Variants in NECAB1 observed in about 807,000 individuals in gnomAD.
NECAB1 encodes the protein N-terminal EF-hand calcium-binding protein 1.
A neutral mutation model predicts 57.5 loss-of-function variants in NECAB1; 29 were observed. The ratio of observed to expected loss-of-function variants is 0.50; its 90% confidence interval spans 0.38 to 0.69. The LOEUF (loss-of-function observed/expected upper bound fraction) is 0.69. NECAB1 is among the 30% of genes least tolerant of loss of function. The pLI is 0.00. For synonymous variants in NECAB1, 142 were observed against 147.7 expected, an observed-to-expected ratio of 0.96 and a Z score of 0.28; for missense variants, 372 against 413.8, an observed-to-expected ratio of 0.90 and a Z score of 0.88.
chr8:90,791,810 A>G lies in NECAB1; in HGVS notation c.-77A>G. ...CAGAGCCCGGCGGCGGCGAAGCAGCAGCTGCGGCCGCGCCCTTGCCAGAGC... is the reference window on the plus strand; with the variant it reads ...CAGAGCCCGGCGGCGGCGAAGCAGCGGCTGCGGCCGCGCCCTTGCCAGAGC... On this transcript the variant is annotated 5_prime_UTR_variant, in exon 1 of 13. Coordinates refer to ENST00000417640, the MANE Select transcript of NECAB1 (RefSeq NM_022351.5). 8.3e-7 allele frequency: 1 copy of G among 1,205,560 alleles called. No homozygotes were observed. Among genetic ancestry groups the G allele is most frequent in the Non-Finnish European group, 1.2e-6 (1 of 850,708 alleles). The allele number at this position is 1,205,560 out of a possible 1,614,324, so 74.7% of individuals were successfully genotyped here.
intron 6 of NECAB1, among the ~76,000 whole-genome samples, chr8:90,919,554 T>C (rs745999861): frequency 6.6e-6 from 1 of 152,200 alleles, no homozygotes; most frequent in Non-Finnish European, 1.5e-5. Context: ...AAGTACTCTT[T>C]AGCAGATCTG....
At chr8:90,922,393 A>C (rs1219658176) in intron 6 of NECAB1, among the ~76,000 whole-genome samples, 1 of 152,040 alleles carries the variant, frequency 6.6e-6, no homozygotes. Flanking sequence ...TGGTTATAAA[A>C]GTTTAGACAG....
intron 5 of NECAB1, among the ~76,000 whole-genome samples, chr8:90,889,441 A>G (rs570111093): frequency 2.0e-5 from 3 of 152,340 alleles, no homozygotes; most frequent in South Asian, 4.1e-4. Context: ...GAAGATGACA[A>G]AAATTATGGC....
At chr8:90,919,127 C>G (rs139593954) in intron 6 of NECAB1, among the ~76,000 whole-genome samples, 138 of 152,204 alleles carry the variant, frequency 9.1e-4, no homozygotes, top group African/African-American at 2.7e-3. Context: ...TTAAGAGACA[C>G]CTATACTAAA....
chr8:90,853,046 A>C (rs1261153969), intron 3 of NECAB1, among the ~76,000 whole-genome samples: 2 of 152,204 alleles, frequency 1.3e-5, no homozygotes. Flanking sequence ...TGTAACACAC[A>C]TTCTGGGGCT....
At position 90,917,532 on chromosome 8, in the gene NECAB1, G is replaced by T; in HGVS notation, c.398G>T (p.Arg133Ile). ...TCCAATTTGGAACAATTCGTAACTA[G>T]ATTTTTATTGAAGGAAACCCTGAAT... The part of the protein sequence containing the change: ...EASNLEQFVT[R>I]FLLKETLNQL... The change falls in exon 6 of 13, where the codon AGA becomes ATA. Residue 133 changes from arginine to isoleucine, a missense_variant. Coordinates refer to ENST00000417640, the MANE Select transcript of NECAB1 (RefSeq NM_022351.5). 1 of 1,611,774 alleles carries T rather than the reference G, an allele frequency of 6.2e-7. No homozygotes were observed. Among genetic ancestry groups the T allele is most frequent in the Non-Finnish European group, 8.5e-7 (1 of 1,178,670 alleles).
At chr8:90,941,740 ATC>A (rs1360478076) in intron 10 of NECAB1, among the ~76,000 whole-genome samples, 2 of 152,148 alleles carry the variant, frequency 1.3e-5, no homozygotes, top group Non-Finnish European at 2.9e-5. Flanking sequence ...TTCTGATATA[ATC>A]TGTTTGTTCC....
chr8:90,879,169 C>G (rs1325833892), intron 4 of NECAB1, among the ~76,000 whole-genome samples: 1 of 141,360 alleles, frequency 7.1e-6, no homozygotes, highest in Non-Finnish European at 1.5e-5. Context: ...GCTTTTTTAG[C>G]AACAATTTTT....
intron 9 of NECAB1, chr8:90,940,276 A>C (rs1810638211): frequency 6.5e-6 from 1 of 153,214 alleles, no homozygotes; most frequent in African/African-American, 2.4e-5. Flanking sequence ...ATGAGTTACT[A>C]ATTTTTTTGA....
At chr8:90,838,321 G>A (rs1430547123) in intron 3 of NECAB1, among the ~76,000 whole-genome samples, 1 of 152,058 alleles carries the variant, frequency 6.6e-6, no homozygotes. Context: ...AGTCATAAAA[G>A]CATCATAAAA....
At chr8:90,926,619 C>T (rs1586132361) in intron 7 of NECAB1, among the ~76,000 whole-genome samples, 1 of 152,244 alleles carries the variant, frequency 6.6e-6, no homozygotes, top group East Asian at 1.9e-4. Flanking sequence ...GATGTGGTTC[C>T]AGGCTGTATG....
At chr8:90,842,159 C>A (rs552403001) in intron 3 of NECAB1, among the ~76,000 whole-genome samples, 1 of 152,134 alleles carries the variant, frequency 6.6e-6, no homozygotes, top group East Asian at 1.9e-4. Context: ...ATATAACAAA[C>A]CTGTATATCC....
rs1289348756 is a variant in NECAB1, at chr8:90,940,804, C to T, written c.766C>T (p.Arg256Trp). ...TTGGCAGCACATCATGCTTGTGCAG[C>T]GGCAGATGTCTGTGATAGAAGAGGA... ...NTKSHIMLVQ[R>W]QMSVIEEDLE... is the part of the protein sequence containing the mutation. Residue 256 changes from arginine (R) to tryptophan (W), a missense_variant, in exon 10 of 13, where the codon CGG becomes TGG. By Grantham distance (101) the Arg-to-Trp change is moderately radical. Coordinates refer to ENST00000417640, the MANE Select transcript of NECAB1 (RefSeq NM_022351.5). The T allele has an allele frequency of 3.8e-6, 6 of 1,561,256 alleles. No homozygotes were observed. Among genetic ancestry groups the T allele is most frequent in the Non-Finnish European group, 5.2e-6 (6 of 1,152,278 alleles).
chr8:90,932,880 A>G (rs1271536348), intron 8 of NECAB1, among the ~76,000 whole-genome samples: 2 of 152,204 alleles, frequency 1.3e-5, no homozygotes, highest in Non-Finnish European at 2.9e-5. Flanking sequence ...CACTGGGGAC[A>G]TTAGGACATT....
chr8:90,819,126 T>TTTTATTTA (rs1188070395), intron 2 of NECAB1, among the ~76,000 whole-genome samples: 1 of 151,962 alleles, frequency 6.6e-6, no homozygotes, highest in Non-Finnish European at 1.5e-5. Flanking sequence ...CTGTAACAGT[T>TTTTATTTA]TTTATTTATT....
chr8:90,930,205 G>A (rs987156405), intron 8 of NECAB1, among the ~76,000 whole-genome samples: 2 of 152,182 alleles, frequency 1.3e-5, no homozygotes, highest in African/African-American at 2.4e-5. Context: ...GGTATGATAT[G>A]AGATGGGCCT....
chr8:90,951,139 C>G lies in NECAB1; in HGVS notation c.965C>G (p.Thr322Arg). The G allele has an allele frequency of 6.2e-7, 1 of 1,600,104 alleles. No homozygotes were observed. The highest frequency in any genetic ancestry group is 8.5e-7 in the Non-Finnish European group (1 of 1,172,914). Residue 322 changes from threonine (T) to arginine (R), a missense_variant, in exon 12 of 13, where the codon ACA (threonine) becomes AGA (arginine). Transcript: ENST00000417640. ...NSHLQTNYSK[T>R]FQRSNVDFLE... is the part of the protein sequence containing the mutation. ...CACCTTCAGACAAATTATAGCAAGA[C>G]ATTCCAAAGAAGTAATGTGGATTTC...
intron 6 of NECAB1, among the ~76,000 whole-genome samples, chr8:90,921,303 C>G (rs1216560940): frequency 6.6e-6 from 1 of 152,148 alleles, no homozygotes; most frequent in Non-Finnish European, 1.5e-5. Context: ...GCTTGAACCA[C>G]CACTCCCAGC....
intron 9 of NECAB1, among the ~76,000 whole-genome samples, chr8:90,939,760 A>T (rs2130234043): frequency 6.6e-6 from 1 of 152,370 alleles, no homozygotes; most frequent in South Asian, 2.1e-4. Context: ...TTTGTTGAAT[A>T]TACTGAATAC....
Sources: gnomAD v4.1 joint callset for allele counts (sites outside exome capture counted in the v4.1 genomes callset) on GRCh38, gnomAD v4.1.1 for gene constraint, MANE v1.5 for transcripts, NCBI Gene and HGNC (gene_info 2026-07-23, HGNC 2026-07-21) for gene names.